Variants in DNMT3B observed in about 807,000 individuals in gnomAD.
The protein encoded by DNMT3B is DNA methyltransferase 3 beta.
A neutral mutation model predicts 120.2 loss-of-function variants in DNMT3B; 37 were observed. The observed-to-expected ratio is 0.31, with a 90% CI of 0.24 to 0.40. The LOEUF (loss-of-function observed/expected upper bound fraction) is 0.40. Ranked by LOEUF, DNMT3B falls within the 10% of genes least tolerant of loss-of-function variation. The probability of loss-of-function intolerance (pLI) is 1.00; values close to 1 mark genes in which losing one functional copy is unlikely to be tolerated. For synonymous variants in DNMT3B, 412 were observed against 442.8 expected, an observed-to-expected ratio of 0.93 and a Z score of 0.87; for missense variants, 878 against 1,137.3, an observed-to-expected ratio of 0.77 and a Z score of 3.28.
rs772079891 is a variant in DNMT3B, at chr20:32,795,511, G to A, written c.1229G>A (p.Arg410Gln). The stretch of plus-strand genomic sequence containing the variant: ...AATTGCTATAACAACGGCAAAGACC[G>A]AGGGGATGAAGATCAGAGCCGAGGT... Reference protein sequence around the residue: ...KTNCYNNGKDRGDEDQSREQM... With the variant: ...KTNCYNNGKDQGDEDQSREQM... Residue 410 changes from arginine to glutamine, a missense_variant, in exon 11 of 23, where the codon CGA becomes CAA. Arg to Gln is a conservative substitution (Grantham distance 43). Transcript: ENST00000328111. 5.6e-6 allele frequency: 9 copies of A among 1,614,070 alleles called. No individual in the cohort carries two copies. Among genetic ancestry groups the A allele is most frequent in the East Asian group, 4.5e-5 (2 of 44,902 alleles).
In DNMT3B at chr20:32,807,971, A is replaced by G; in HGVS notation, c.*68A>G. Reference sequence around the variant, plus strand: ...AGGACCCAGGAGGTGTGATTCCTGAAGGCATCCCCAGGCCCTGCTCTTCCT... The same window carrying G: ...AGGACCCAGGAGGTGTGATTCCTGAGGGCATCCCCAGGCCCTGCTCTTCCT... On this transcript the variant is annotated 3_prime_UTR_variant, in exon 23 of 23. Coordinates refer to ENST00000328111, the MANE Select transcript of DNMT3B (RefSeq NM_006892.4). The G allele has an allele frequency of 4.3e-6, 7 of 1,611,862 alleles. No homozygotes were observed. The highest frequency in any genetic ancestry group is 5.9e-6 in the Non-Finnish European group (7 of 1,178,822).
chr20:32,778,442 C>G (rs1279110551), intron 1 of DNMT3B, among the ~76,000 whole-genome samples: 1 of 152,144 alleles, frequency 6.6e-6, no homozygotes, highest in African/African-American at 2.4e-5. Flanking sequence ...CTCCCACTTC[C>G]AACAGTTCTT....
At chr20:32,791,472 T>C (rs1327605745) in intron 7 of DNMT3B, 129 bp from the exon 8 acceptor site, 11 of 899,646 alleles carry the variant, frequency 1.2e-5, no homozygotes, top group Non-Finnish European at 1.6e-5. Context: ...GTCTGTGGAC[T>C]TTATCCCCAG....
intron 1 of DNMT3B, among the ~76,000 whole-genome samples, chr20:32,768,722 G>T (rs1226602495): frequency 6.6e-6 from 1 of 152,132 alleles, no homozygotes; most frequent in Non-Finnish European, 1.5e-5. Context: ...GCACTAACTA[G>T]GGTCCCACTG....
intron 3 of DNMT3B, among the ~76,000 whole-genome samples, 159 bp downstream of exon 3, chr20:32,781,573 T>C (rs1323723887): frequency 6.6e-6 from 1 of 152,280 alleles, no homozygotes; most frequent in Non-Finnish European, 1.5e-5. Context: ...TTTTTCAATC[T>C]GGACGATCAG....
chr20:32,800,826 C>T lies in DNMT3B; in HGVS notation c.1906-9C>T. On this transcript the variant is annotated splice_polypyrimidine_tract_variant and intron_variant, in intron 17 of 22. Coordinates refer to ENST00000328111, the MANE Select transcript of DNMT3B (RefSeq NM_006892.4). ...ACACCCTCATCCTGACTCTGTCTCTCTCTTTCAGATTGAAGAATGGGGCCC... is the reference window on the plus strand; with the variant it reads ...ACACCCTCATCCTGACTCTGTCTCTTTCTTTCAGATTGAAGAATGGGGCCC... 1 of 1,613,926 alleles carries T rather than the reference C, an allele frequency of 6.2e-7. No homozygotes were observed. Among genetic ancestry groups the T allele is most frequent in the Admixed American group, 1.7e-5 (1 of 60,022 alleles).
At chr20:32,793,419 G>C in intron 9 of DNMT3B, 117 bp from the exon 10 acceptor site, 1 of 1,176,490 alleles carries the variant, frequency 8.5e-7, no homozygotes, top group Non-Finnish European at 1.2e-6. Flanking sequence ...AGTGCGCCGA[G>C]ATCGCACCAC....
intron 1 of DNMT3B, among the ~76,000 whole-genome samples, chr20:32,778,942 AGATGGATGGATGGATG>A (rs3080493): frequency 4.0e-5 from 6 of 150,414 alleles, no homozygotes; most frequent in Admixed American, 6.6e-5. Context: ...TCTCTAAGAT[AGATGGATGGATGGATG>A]GATGGATGGA....
chr20:32,786,506 G>A lies in DNMT3B; in HGVS notation c.311G>A (p.Arg104Gln), dbSNP rs551752168. ...AGTGTCCTCTCTTGCTTCTAGGTCCGAACTCGAAATAACAACAGTGTCTCC... is the reference window on the plus strand; with the variant it reads ...AGTGTCCTCTCTTGCTTCTAGGTCCAAACTCGAAATAACAACAGTGTCTCC... ...TRTRSESPAV[R>Q]TRNNNSVSSR... is the part of the protein sequence containing the mutation. The change falls in exon 5 of 23, where the codon CGA becomes CAA. Residue 104 changes from arginine to glutamine, a missense_variant. This residue lies in a region of DNMT3B where 287 missense variants were observed against 306.2 expected (regional missense o/e 0.94). Coordinates refer to ENST00000328111, the MANE Select transcript of DNMT3B (RefSeq NM_006892.4). 17 of 1,613,994 alleles carry A rather than the reference G, an allele frequency of 1.1e-5. No individual in the cohort carries two copies. Among genetic ancestry groups the A allele is most frequent in the East Asian group, 6.7e-5 (3 of 44,886 alleles).
chr20:32,773,707 G>C lies in DNMT3B; in HGVS notation c.-6-6611G>C, dbSNP rs145324824. On this transcript the variant is annotated intron_variant, in intron 1 of 22. Coordinates refer to ENST00000328111, the MANE Select transcript of DNMT3B (RefSeq NM_006892.4). Reference sequence around the variant, plus strand: ...GCTTTACTGCAGCCTCAACTTCCGAGGCTTAGGTGATCATTCCCCATCAGC... The same window carrying C: ...GCTTTACTGCAGCCTCAACTTCCGACGCTTAGGTGATCATTCCCCATCAGC... Among the ~76,000 whole-genome samples, 234 of 151,730 alleles carry C rather than the reference G, an allele frequency of 1.5e-3. 4 individuals carry two copies. The South Asian group carries it at 0.019, about 13-fold the overall frequency.
At chr20:32,805,993 T>C (rs977440618) in intron 21 of DNMT3B, among the ~76,000 whole-genome samples, 2 of 152,128 alleles carry the variant, frequency 1.3e-5, no homozygotes, top group Admixed American at 6.5e-5. Context: ...AAAATGTTCT[T>C]GTCTCTCCAA....
In DNMT3B at chr20:32,789,017, G is replaced by T; in HGVS notation, c.813+5G>T. ...GGCGATGGCAAGTTCTCCGAGGTGA[G>T]TCCGGGGAAGGGCAAGGGGTTCTGC... On this transcript the variant is annotated splice_donor_5th_base_variant and intron_variant, in intron 7 of 22. Transcript: ENST00000328111. The T allele has an allele frequency of 1.9e-6, 3 of 1,613,896 alleles. No individual in the cohort carries two copies. Among genetic ancestry groups the T allele is most frequent in the Non-Finnish European group, 2.5e-6 (3 of 1,179,952 alleles).
intron 2 of DNMT3B, 58 bp from the exon 3 acceptor site, chr20:32,781,295 C>A: frequency 6.3e-7 from 1 of 1,594,706 alleles, no homozygotes. Flanking sequence ...TTAGCAAGGC[C>A]GTTCCCCAGA....
chr20:32,779,799 C>T (rs1424071675), intron 1 of DNMT3B: 13 of 384,184 alleles, frequency 3.4e-5, no homozygotes, highest in African/African-American at 1.1e-4. Flanking sequence ...AGGAGAGAAG[C>T]GGTTCTGTGG....
At chr20:32,793,429 C>A in intron 9 of DNMT3B, 107 bp from the exon 10 acceptor site, 1 of 1,279,422 alleles carries the variant, frequency 7.8e-7, no homozygotes, top group Non-Finnish European at 1.1e-6. Context: ...GATCGCACCA[C>A]TGCATTCAAG....
At chr20:32,767,111 C>G (rs1383413178) in intron 1 of DNMT3B, among the ~76,000 whole-genome samples, 1 of 151,838 alleles carries the variant, frequency 6.6e-6, no homozygotes, top group African/African-American at 2.4e-5. Flanking sequence ...AGGCTGGTCT[C>G]GAACTCCCAA....
At chr20:32,783,425 T>C (rs1978865057) in intron 3 of DNMT3B, among the ~76,000 whole-genome samples, 1 of 152,242 alleles carries the variant, frequency 6.6e-6, no homozygotes. Flanking sequence ...CATCTTGTTT[T>C]GTGTTCCTTC....
chr20:32,802,381 A>G lies in DNMT3B; in HGVS notation c.2146-4A>G, dbSNP rs1981458595. 3 of 1,614,112 alleles carry G rather than the reference A, an allele frequency of 1.9e-6. No homozygotes were observed. The highest frequency in any genetic ancestry group is 2.5e-6 in the Non-Finnish European group (3 of 1,179,998). On this transcript the variant is annotated splice_polypyrimidine_tract_variant and splice_region_variant and intron_variant, in intron 19 of 22. Transcript: ENST00000328111. The stretch of plus-strand genomic sequence containing the variant: ...CCTAACAGTAACCTTCTTTCTCCCC[A>G]CAGTGTAATCCAGTGATGATTGATG...
chr20:32,805,524 G>A (rs769647337), intron 21 of DNMT3B, 117 bp downstream of exon 21: 28 of 1,148,572 alleles, frequency 2.4e-5, no homozygotes, highest in Middle Eastern at 5.5e-4. Context: ...ACTTCCTGGT[G>A]TTGGGCTTCC....
Sources: allele counts gnomAD v4.1 joint callset (sites outside exome capture counted in the v4.1 genomes callset), GRCh38; gene constraint gnomAD v4.1.1; regional missense constraint gnomAD v4.1.1; transcripts MANE v1.5; gene names NCBI Gene and HGNC (gene_info 2026-07-23, HGNC 2026-07-21).